Variants in SLC67A2 observed in about 807,000 individuals in gnomAD.
The protein encoded by SLC67A2 is solute carrier family 67 member 2, also known as solute carrier family 67 member A2.
chr2:102,722,877 C>T, the SLC67A2 span, among the ~76,000 whole-genome samples: 13 of 152,098 alleles, frequency 8.5e-5, no homozygotes, highest in African/African-American at 2.7e-4. Flanking sequence ...ACAGTGGATA[C>T]GATTTGCAAA....
the SLC67A2 span, among the ~76,000 whole-genome samples, chr2:102,728,839 A>G: frequency 7.9e-5 from 12 of 152,014 alleles, no homozygotes; most frequent in African/African-American, 2.7e-4. Context: ...TATTTTCCCC[A>G]CTCAACACTT....
the SLC67A2 span, chr2:102,736,882 C>A: frequency 1.2e-3 from 1,804 of 1,487,272 alleles, 33 homozygotes; most frequent in East Asian, 0.038. Flanking sequence ...CCGCCCCGAG[C>A]GGAAGCAGGA....
the SLC67A2 span, chr2:102,736,520 A>T: frequency 6.3e-7 from 1 of 1,592,188 alleles, no homozygotes. Context: ...ATAGGTAGTG[A>T]GGCACTCACC....
the SLC67A2 span, chr2:102,717,453 G>A: frequency 1.3e-5 from 2 of 152,294 alleles, no homozygotes; most frequent in Admixed American, 1.3e-4. Flanking sequence ...CTTCACCACT[G>A]GGTTCTGTCA....
At chr2:102,736,247 G>GTTTTTTT in the SLC67A2 span, among the ~76,000 whole-genome samples, 1 of 152,052 alleles carries the variant, frequency 6.6e-6, no homozygotes, top group Admixed American at 6.5e-5. Context: ...TGGTAAAAAG[G>GTTTTTTT]CTTGCGTGTC....
chr2:102,736,818 C>A, the SLC67A2 span: 3 of 1,595,680 alleles, frequency 1.9e-6, no homozygotes, highest in South Asian at 2.2e-5. Flanking sequence ...CATACCCGCG[C>A]CGGCCGGGGG....
At chr2:102,725,437 T>C in the SLC67A2 span, among the ~76,000 whole-genome samples, 2 of 152,216 alleles carry the variant, frequency 1.3e-5, no homozygotes, top group East Asian at 1.9e-4. Context: ...CAAATCTCAA[T>C]GCATTTTGTA....
At chr2:102,726,920 G>C in the SLC67A2 span, 1 of 1,613,470 alleles carries the variant, frequency 6.2e-7, no homozygotes, top group Admixed American at 1.7e-5. Flanking sequence ...AGAGCACTGA[G>C]TAGAATGCAT....
At chr2:102,716,747 T>A in the SLC67A2 span, 2 of 152,226 alleles carry the variant, frequency 1.3e-5, no homozygotes, top group African/African-American at 4.8e-5. Flanking sequence ...AAAACAGGCA[T>A]ACCATCCTAG....
At chr2:102,732,302 G>A in the SLC67A2 span, 103 of 1,593,086 alleles carry the variant, frequency 6.5e-5, no homozygotes, top group Middle Eastern at 1.7e-4. Flanking sequence ...CTCTAAAAAT[G>A]AGCAATATCG....
At chr2:102,725,401 T>C in the SLC67A2 span, among the ~76,000 whole-genome samples, 2 of 152,228 alleles carry the variant, frequency 1.3e-5, no homozygotes, top group Admixed American at 1.3e-4. Flanking sequence ...CACTTCCTAT[T>C]AAATAAAACA....
chr2:102,734,559 T>C, the SLC67A2 span, among the ~76,000 whole-genome samples: 2 of 152,110 alleles, frequency 1.3e-5, no homozygotes, highest in Non-Finnish European at 2.9e-5. Context: ...AAAACTAAAT[T>C]ATGTATAATG....
At chr2:102,718,144 C>A in the SLC67A2 span, 1 of 409,910 alleles carries the variant, frequency 2.4e-6, no homozygotes, top group Admixed American at 4.3e-5. Flanking sequence ...CCTGATTAGC[C>A]CAGGTGGGAA....
chr2:102,727,170 A>G, the SLC67A2 span, among the ~76,000 whole-genome samples: 1 of 152,056 alleles, frequency 6.6e-6, no homozygotes, highest in African/African-American at 2.4e-5. Flanking sequence ...GAAAAACACA[A>G]TGTATTTTTT....
At chr2:102,721,904 C>A in the SLC67A2 span, among the ~76,000 whole-genome samples, 1 of 152,134 alleles carries the variant, frequency 6.6e-6, no homozygotes, top group Non-Finnish European at 1.5e-5. Flanking sequence ...CAGGGTCTCA[C>A]TATCTTTCCC....
the SLC67A2 span, among the ~76,000 whole-genome samples, chr2:102,729,596 T>A: frequency 6.6e-6 from 1 of 152,210 alleles, no homozygotes; most frequent in Non-Finnish European, 1.5e-5. Flanking sequence ...TACAATCTGA[T>A]AACTCTAGTT....
the SLC67A2 span, chr2:102,716,264 C>T: frequency 2.0e-5 from 3 of 152,046 alleles, no homozygotes; most frequent in African/African-American, 7.2e-5. Flanking sequence ...TAAAGTGCTA[C>T]GATTTTTAAA....
At chr2:102,736,529 C>T in the SLC67A2 span, 24 of 1,601,126 alleles carry the variant, frequency 1.5e-5, 2 homozygotes, top group Middle Eastern at 3.3e-4. Context: ...GAGGCACTCA[C>T]CAGGCGGACT....
chr2:102,718,309 C>A, the SLC67A2 span: 2 of 1,348,654 alleles, frequency 1.5e-6, no homozygotes, highest in Admixed American at 2.0e-5. Context: ...CACACCCACC[C>A]GGAAATATTT....
Sources: gnomAD v4.1 joint callset for allele counts (sites outside exome capture counted in the v4.1 genomes callset) on GRCh38, gnomAD v4.1.1 for gene constraint, MANE v1.5 for transcripts, NCBI Gene and HGNC (gene_info 2026-07-23, HGNC 2026-07-21) for gene names.